The following HERC6 variants were observed in gnomAD, a reference collection of about 807,000 sequenced individuals.
HERC6 encodes the protein probable E3 ubiquitin-protein ligase HERC6.
A neutral mutation model predicts 114.5 loss-of-function variants in HERC6; 101 were observed. That is an observed-to-expected ratio of 0.88 (90% CI 0.75 to 1.04). The LOEUF (loss-of-function observed/expected upper bound fraction) is 1.04, where lower values mean the gene tolerates loss of function less well. Ranked by LOEUF, HERC6 falls within the 50% of genes least tolerant of loss-of-function variation. HERC6 has a pLI of 0.00. For synonymous variants in HERC6, 408 were observed against 436.2 expected (o/e 0.94, Z 0.81); for missense variants, 1,133 against 1,230.9 (o/e 0.92, Z 1.19).
intron 11 of HERC6, among the ~76,000 whole-genome samples, chr4:88,411,996 A>C (rs1158123092): frequency 6.6e-6 from 1 of 152,170 alleles, no homozygotes; most frequent in Non-Finnish European, 1.5e-5. Context: ...AGGAGGAAAA[A>C]GAAAAACGAC....
intron 19 of HERC6, among the ~76,000 whole-genome samples, 190 bp from the exon 20 acceptor site, chr4:88,437,521 T>C (rs1462348568): frequency 6.6e-6 from 1 of 152,224 alleles, no homozygotes; most frequent in Non-Finnish European, 1.5e-5. Flanking sequence ...GAAAGTAATG[T>C]ACAACATGTA....
At chr4:88,398,013 C>T in intron 7 of HERC6, 129 bp from the exon 8 acceptor site, 1 of 561,252 alleles carries the variant, frequency 1.8e-6, no homozygotes, top group Non-Finnish European at 3.1e-6. Flanking sequence ...ATCTTTTATG[C>T]ATTTGTAGTC....
Position 88,385,505 on chromosome 4 carries a change from A to C in HERC6, c.366A>C (p.Ile122=), listed in dbSNP as rs752211538. ...FKEISFTPKK[I]MTLNDIKIIQ... ...TGTATTATTTGTATTATAGGAAAATAATGACTCTGAATGATATAAAAATAA... is the reference window on the plus strand; with the variant it reads ...TGTATTATTTGTATTATAGGAAAATCATGACTCTGAATGATATAAAAATAA... The change falls in exon 3 of 23, where the codon ATA becomes ATC. Residue 122 remains isoleucine (I), a synonymous_variant. Coordinates refer to ENST00000264346, the MANE Select transcript of HERC6 (RefSeq NM_017912.4). 42 of 1,410,618 alleles carry C rather than the reference A, an allele frequency of 3.0e-5. 1 individual carries two copies. In the East Asian group the frequency reaches 1.0e-3, roughly 35 times the overall value. The allele number at this position is 1,410,618 out of a possible 1,614,324, so 87.4% of individuals were successfully genotyped here. A position where few individuals can be genotyped will look rare whatever the true frequency, so the allele number is the denominator to read the frequency against.
Position 88,417,430 on chromosome 4 carries a change from T to C in HERC6, c.1564T>C (p.Cys522Arg). 1.9e-6 allele frequency: 3 copies of C among 1,608,108 alleles called. No homozygotes were observed. Among genetic ancestry groups the C allele is most frequent in the South Asian group, 2.2e-5 (2 of 89,872 alleles). ...SKQSLQVLKK[C>R]WAFLQESSLN... ...GGCTAATTTTACACCCCCAGAGAAG[T>C]GTTGGGCATTTTTGCAAGAATCTTC... is the stretch of plus-strand genomic sequence containing the variant. Residue 522 changes from cysteine (C) to arginine (R), a missense_variant, in exon 13 of 23, where the codon TGT becomes CGT. Cys to Arg is a radical substitution (Grantham distance 180). Around this residue, in one of 3 missense-constraint regions of HERC6, gnomAD observed 735 missense variants for 754.0 expected, o/e 0.97. Transcript: ENST00000264346.
At chr4:88,430,433 G>A (rs1019003127) in intron 16 of HERC6, among the ~76,000 whole-genome samples, 4 of 151,954 alleles carry the variant, frequency 2.6e-5, no homozygotes, top group Admixed American at 1.3e-4. Flanking sequence ...AGCTGGGTGC[G>A]GTGGTGGGTG....
At chr4:88,424,362 C>T (rs978405775) in intron 14 of HERC6, among the ~76,000 whole-genome samples, 1 of 152,062 alleles carries the variant, frequency 6.6e-6, no homozygotes, top group Non-Finnish European at 1.5e-5. Flanking sequence ...TATCTGTACT[C>T]CCAGCTACTC....
intron 13 of HERC6, among the ~76,000 whole-genome samples, chr4:88,422,356 C>T (rs1737151589): frequency 6.6e-6 from 1 of 152,120 alleles, no homozygotes. Flanking sequence ...GTTTTATAAC[C>T]TTATTCTGAT....
At chr4:88,439,369 A>T (rs1467993426) in intron 20 of HERC6, among the ~76,000 whole-genome samples, 1 of 151,526 alleles carries the variant, frequency 6.6e-6, no homozygotes, top group Admixed American at 6.6e-5. Context: ...AAAAGAAAGG[A>T]AAGAGAAAGA....
rs749713819 is a variant in HERC6, at chr4:88,408,542, T to G, written c.1293T>G (p.Thr431=). Residue 431 remains threonine, a synonymous_variant, in exon 11 of 23, where the codon ACT becomes ACG. Transcript: ENST00000264346. ...FLKKRGTGET[T]SIDVDLEMAR... ...TCCAAAGAGGAACTGGAGAAACGACTTCCATTGATGTGGACTTAGAAATGG... is the reference window on the plus strand; with the variant it reads ...TCCAAAGAGGAACTGGAGAAACGACGTCCATTGATGTGGACTTAGAAATGG... The G allele has an allele frequency of 5.0e-6, 8 of 1,598,946 alleles. No individual in the cohort carries two copies. In the African/African-American group the frequency reaches 1.1e-4, roughly 21 times the overall value.
At chr4:88,408,847 C>A (rs1735943396) in intron 11 of HERC6, among the ~76,000 whole-genome samples, 1 of 152,152 alleles carries the variant, frequency 6.6e-6, no homozygotes, top group African/African-American at 2.4e-5. Context: ...TCAAATCAAT[C>A]TCATGAAGGC....
At chr4:88,437,505 A>T (rs926210592) in intron 19 of HERC6, among the ~76,000 whole-genome samples, 2 of 152,248 alleles carry the variant, frequency 1.3e-5, no homozygotes, top group African/African-American at 4.8e-5. Flanking sequence ...ACGATAATTT[A>T]GGCATGAAAG....
At chr4:88,379,774 A>AAT (rs1301812353) in intron 1 of HERC6, among the ~76,000 whole-genome samples, 5 of 77,772 alleles carry the variant, frequency 6.4e-5, no homozygotes, top group African/African-American at 2.1e-4. Context: ...ATAATATATA[A>AAT]ATATATATAT....
chr4:88,435,294 G>A (rs1195203490), intron 17 of HERC6, among the ~76,000 whole-genome samples: 1 of 151,636 alleles, frequency 6.6e-6, no homozygotes, highest in East Asian at 1.9e-4. Flanking sequence ...CCAAGTTGTG[G>A]GGCTGCATTG....
At chr4:88,397,561 G>A (rs1209966017) in intron 7 of HERC6, among the ~76,000 whole-genome samples, 1 of 151,860 alleles carries the variant, frequency 6.6e-6, no homozygotes, top group Non-Finnish European at 1.5e-5. Context: ...GCCGGGCGTG[G>A]TGGTGCAAGC....
chr4:88,398,320 T>A (rs1035508785), intron 8 of HERC6, 111 bp downstream of exon 8: 4 of 519,238 alleles, frequency 7.7e-6, no homozygotes, highest in Non-Finnish European at 9.8e-6. Context: ...ACTAAAACAA[T>A]AAGGTCCTAT....
At chr4:88,424,454 G>T in intron 14 of HERC6, 141 bp from the exon 15 acceptor site, 1 of 667,508 alleles carries the variant, frequency 1.5e-6, no homozygotes, top group Non-Finnish European at 2.6e-6. Flanking sequence ...ACTCCAGCCT[G>T]GGCAATAGAA....
At position 88,379,003 on chromosome 4, in the gene HERC6, G is replaced by A. The variant is rs775037327; in HGVS notation, c.82G>A (p.Ala28Thr). 1.7e-5 allele frequency: 26 copies of A among 1,575,608 alleles called. No individual in the cohort carries two copies. Among genetic ancestry groups the A allele is most frequent in the Non-Finnish European group, 2.2e-5 (26 of 1,162,370 alleles). Residue 28 changes from alanine (A) to threonine (T), a missense_variant, in exon 1 of 23, where the codon GCG becomes ACG. Ala to Thr is a moderately conservative substitution (Grantham distance 58). Coordinates refer to ENST00000264346, the MANE Select transcript of HERC6 (RefSeq NM_017912.4). ...AGSPGAELLQ[A>T]ASGERHSLLL... ...CAGCCCCGGGGCTGAGCTACTGCAG[G>A]CGGCCAGCGGGGAGCGCCACTCTCT...
chr4:88,379,708 T>A (rs1163690243), intron 1 of HERC6, among the ~76,000 whole-genome samples: 1 of 108,984 alleles, frequency 9.2e-6, no homozygotes, highest in Non-Finnish European at 1.7e-5. Context: ...TATAAATATA[T>A]AATATATAAA....
intron 12 of HERC6, among the ~76,000 whole-genome samples, chr4:88,416,578 ATAAT>A (rs1736499799): frequency 6.6e-6 from 1 of 152,066 alleles, no homozygotes; most frequent in African/African-American, 2.4e-5. Context: ...TATAACTAAA[ATAAT>A]TCCCATCCTC....
Sources: gnomAD v4.1 joint callset for allele counts (sites outside exome capture counted in the v4.1 genomes callset) on GRCh38, gnomAD v4.1.1 for gene constraint, gnomAD v4.1.1 regional missense constraint, MANE v1.5 for transcripts, NCBI Gene and HGNC (gene_info 2026-07-23, HGNC 2026-07-21) for gene names.